Variants in FHIT observed in about 807,000 individuals in gnomAD.
The protein encoded by FHIT is bis(5'-adenosyl)-triphosphatase.
In FHIT, 19 loss-of-function variants were observed where a neutral mutation model predicts 17.9. The ratio of observed to expected loss-of-function variants is 1.06; its 90% CI spans 0.74 to 1.56. FHIT has a LOEUF of 1.56. Among genes scored for constraint, FHIT ranks in the 40% most tolerant of loss-of-function variants. FHIT has a pLI of 0.00. For synonymous variants in FHIT, 81 were observed against 69.7 expected (o/e 1.16, Z -0.81); for missense variants, 248 against 189.2 (o/e 1.31, Z -1.82).
At chr3:60,231,438 G>C (rs1282792765) in intron 5 of FHIT, among the ~76,000 whole-genome samples, 1 of 152,148 alleles carries the variant, frequency 6.6e-6, no homozygotes, top group East Asian at 1.9e-4. Flanking sequence ...ACCTGCCGCA[G>C]CCTTCCAGGT....
At chr3:60,270,030 G>C (rs993341109) in intron 5 of FHIT, among the ~76,000 whole-genome samples, 1 of 152,128 alleles carries the variant, frequency 6.6e-6, no homozygotes, top group African/African-American at 2.4e-5. Context: ...CATGACCAAG[G>C]GGGTGTATCT....
chr3:61,016,435 T>C (rs1002247541), intron 3 of FHIT, among the ~76,000 whole-genome samples: 1 of 152,180 alleles, frequency 6.6e-6, no homozygotes, highest in Non-Finnish European at 1.5e-5. Context: ...GGTTTTAGGA[T>C]AGGCCTTATT....
chr3:60,417,290 T>C (rs68154260), intron 5 of FHIT, among the ~76,000 whole-genome samples: 31,911 of 151,962 alleles, frequency 0.21, 3,975 homozygotes, highest in East Asian at 0.48. Context: ...GTTGCAACTG[T>C]TCAGTAAAAA....
At chr3:59,975,405 G>A (rs977792426) in intron 7 of FHIT, among the ~76,000 whole-genome samples, 1 of 152,104 alleles carries the variant, frequency 6.6e-6, no homozygotes, top group Non-Finnish European at 1.5e-5. Flanking sequence ...ACTATGAAAT[G>A]TAATGAGATT....
chr3:61,081,988 C>T (rs537589965), intron 2 of FHIT, among the ~76,000 whole-genome samples: 168 of 152,188 alleles, frequency 1.1e-3, no homozygotes, highest in Non-Finnish European at 2.0e-3. Context: ...ATACCCACCA[C>T]TACCCTGAAT....
At chr3:60,089,135 G>C (rs566916982) in intron 5 of FHIT, among the ~76,000 whole-genome samples, 1 of 152,206 alleles carries the variant, frequency 6.6e-6, no homozygotes, top group East Asian at 1.9e-4. Flanking sequence ...AATTCCACAC[G>C]GTTCCACAGG....
chr3:60,385,973 A>C (rs999811211), intron 5 of FHIT, among the ~76,000 whole-genome samples: 4 of 152,150 alleles, frequency 2.6e-5, no homozygotes, highest in Non-Finnish European at 5.9e-5. Context: ...GAAATAATAG[A>C]AATAACGAAC....
chr3:60,038,451 C>T (rs1303117212), intron 5 of FHIT, among the ~76,000 whole-genome samples: 1 of 152,154 alleles, frequency 6.6e-6, no homozygotes, highest in African/African-American at 2.4e-5. Flanking sequence ...CAGAATAAAA[C>T]AAGTGCCCTT....
Position 60,173,915 on chromosome 3 carries a change from A to ATATATATATATATATATTTTTT in FHIT, c.104-159764_104-159763insAAAAAATATATATATATATATA. 4.5e-5 allele frequency among the ~76,000 whole-genome samples: 3 copies of ATATATATATATATATATTTTTT among 66,428 alleles called. 1 individual carries two copies. Among genetic ancestry groups the ATATATATATATATATATTTTTT allele is most frequent in the East Asian group, 8.0e-4 (1 of 1,256 alleles). 43.6% of individuals were successfully genotyped at this position (66,428 alleles called of 152,430 possible). A position where few individuals can be genotyped will look rare whatever the true frequency, so the allele number is the denominator to read the frequency against. Reference sequence around the variant, plus strand: ...TATATATATATATATATATATATATATGTTTTTTTTTTTTTTTGAGATCGA... The same window carrying ATATATATATATATATATTTTTT: ...TATATATATATATATATATATATATATATATATATATATATATTTTTTTGTTTTTTTTTTTTTTTGAGATCGA... On this transcript the variant is annotated intron_variant, in intron 5 of 9. Coordinates refer to ENST00000492590, the MANE Select transcript of FHIT (RefSeq NM_002012.4).
chr3:59,947,538 C>G (rs1706874767), intron 7 of FHIT, among the ~76,000 whole-genome samples: 1 of 152,018 alleles, frequency 6.6e-6, no homozygotes, highest in African/African-American at 2.4e-5. Context: ...ATTTGATGCT[C>G]TGAGGGTTTG....
intron 5 of FHIT, among the ~76,000 whole-genome samples, chr3:60,296,591 CCA>C (rs561609618): frequency 6.7e-4 from 102 of 152,064 alleles, no homozygotes; most frequent in African/African-American, 2.3e-3. Context: ...ATATTTACTC[CCA>C]GTCTGCAGCT....
chr3:59,944,102 A>C (rs1375326981), intron 7 of FHIT, among the ~76,000 whole-genome samples: 2 of 152,216 alleles, frequency 1.3e-5, no homozygotes, highest in African/African-American at 4.8e-5. Flanking sequence ...TTGCTTTGAG[A>C]TTATGGATTC....
At chr3:59,899,431 G>A (rs987251822) in intron 8 of FHIT, among the ~76,000 whole-genome samples, 2 of 152,172 alleles carry the variant, frequency 1.3e-5, no homozygotes, top group Non-Finnish European at 2.9e-5. Context: ...CTCATCTAGG[G>A]AGAGCATGTC....
At chr3:60,692,776 G>A (rs2107889375) in intron 4 of FHIT, among the ~76,000 whole-genome samples, 1 of 152,236 alleles carries the variant, frequency 6.6e-6, no homozygotes, top group South Asian at 2.1e-4. Context: ...ACTAATATAT[G>A]ACCATTTATT....
At chr3:60,722,517 G>A (rs2041828820) in intron 4 of FHIT, among the ~76,000 whole-genome samples, 1 of 151,974 alleles carries the variant, frequency 6.6e-6, no homozygotes, top group African/African-American at 2.4e-5. Context: ...TAGACACTTT[G>A]GCCTAGGTCA....
At chr3:61,137,247 A>C (rs999190056) in intron 2 of FHIT, among the ~76,000 whole-genome samples, 1 of 138,768 alleles carries the variant, frequency 7.2e-6, no homozygotes, top group African/African-American at 2.7e-5. Flanking sequence ...TCTAAAACGT[A>C]TCATAGGTTT....
At chr3:59,943,413 A>G (rs534808600) in intron 7 of FHIT, among the ~76,000 whole-genome samples, 45 of 152,294 alleles carry the variant, frequency 3.0e-4, no homozygotes, top group African/African-American at 1.1e-3. Flanking sequence ...ACAAAAGAGG[A>G]AGAAGAACAT....
chr3:60,550,885 A>T (rs1474610212), intron 4 of FHIT, among the ~76,000 whole-genome samples: 2 of 152,202 alleles, frequency 1.3e-5, no homozygotes, highest in African/African-American at 4.8e-5. Context: ...ACTACAAGCC[A>T]GTCAACAAGG....
intron 5 of FHIT, among the ~76,000 whole-genome samples, chr3:60,226,620 G>C (rs978140576): frequency 6.6e-6 from 1 of 152,112 alleles, no homozygotes; most frequent in African/African-American, 2.4e-5. Context: ...CTGGGAACGT[G>C]TCCAGGCTGA....
Sources: allele counts gnomAD v4.1 joint callset (sites outside exome capture counted in the v4.1 genomes callset), GRCh38; gene constraint gnomAD v4.1.1; transcripts MANE v1.5; gene names NCBI Gene and HGNC (gene_info 2026-07-23, HGNC 2026-07-21).